Variants in SNX29 observed in about 807,000 individuals in gnomAD.
SNX29 encodes the protein sorting nexin-29.
Under a neutral mutation model 102.1 loss-of-function variants are expected in SNX29, and 78 were observed. The ratio of observed to expected loss-of-function variants is 0.76; its 90% CI spans 0.64 to 0.92. The LOEUF (loss-of-function observed/expected upper bound fraction) is 0.92. Among genes scored for constraint, SNX29 ranks in the 40% least tolerant of loss-of-function variants. The pLI is 0.00. For synonymous variants in SNX29, 580 were observed against 414.5 expected, an observed-to-expected ratio of 1.40 and a Z score of -4.85; for missense variants, 1,280 against 1,061.7, an observed-to-expected ratio of 1.21 and a Z score of -2.86.
chr16:12,292,207 C>T (rs1287787980), intron 15 of SNX29, among the ~76,000 whole-genome samples: 1 of 152,178 alleles, frequency 6.6e-6, no homozygotes, highest in Non-Finnish European at 1.5e-5. Context: ...AAGGTTTGGC[C>T]ACCTGGGCGT....
intron 20 of SNX29, chr16:12,560,693 C>G (rs984332868): frequency 2.5e-5 from 4 of 160,276 alleles, no homozygotes; most frequent in Admixed American, 6.5e-5. Flanking sequence ...TATATCTAGT[C>G]ATCGACTCTG....
chr16:12,047,417 A>G (rs2050132285), intron 6 of SNX29, among the ~76,000 whole-genome samples: 1 of 152,172 alleles, frequency 6.6e-6, no homozygotes, highest in Non-Finnish European at 1.5e-5. Context: ...TCCATTGATG[A>G]GAAAAAGAAT....
chr16:12,361,478 A>G (rs7195981), intron 16 of SNX29, among the ~76,000 whole-genome samples: 79,067 of 152,068 alleles, frequency 0.52, 21,139 homozygotes, highest in Non-Finnish European at 0.6. Context: ...TTATTAATTG[A>G]TATCAGTCAA....
At chr16:12,061,245 G>C (rs772485658) in intron 8 of SNX29, among the ~76,000 whole-genome samples, 1 of 152,218 alleles carries the variant, frequency 6.6e-6, no homozygotes. Context: ...CAGACTGCAG[G>C]CTCCCTCAGG....
At chr16:12,514,654 C>G (rs1458227897) in intron 19 of SNX29, among the ~76,000 whole-genome samples, 4 of 152,094 alleles carry the variant, frequency 2.6e-5, no homozygotes, top group Non-Finnish European at 5.9e-5. Context: ...CACTTGAGGC[C>G]AGGAGTTCGA....
intron 15 of SNX29, among the ~76,000 whole-genome samples, chr16:12,337,946 C>G (rs1266279517): frequency 4.6e-5 from 7 of 152,228 alleles, no homozygotes; most frequent in Non-Finnish European, 1.5e-5. Flanking sequence ...ATGGCCCTCT[C>G]ACAGCCGCTT....
chr16:12,453,894 T>G (rs903316945), intron 18 of SNX29, among the ~76,000 whole-genome samples: 1 of 152,142 alleles, frequency 6.6e-6, no homozygotes, highest in Non-Finnish European at 1.5e-5. Context: ...ATGTGGTAAT[T>G]GGATGTATAG....
At chr16:12,037,167 C>T (rs929757422) in intron 4 of SNX29, among the ~76,000 whole-genome samples, 1 of 152,148 alleles carries the variant, frequency 6.6e-6, no homozygotes. Context: ...GTGAGCCATG[C>T]GATCTCTATC....
chr16:12,274,627 C>T (rs577696020), intron 14 of SNX29, among the ~76,000 whole-genome samples: 2 of 151,908 alleles, frequency 1.3e-5, no homozygotes, highest in Non-Finnish European at 2.9e-5. Context: ...ACCTCTGCCT[C>T]CGAGGCTCAA....
chr16:12,357,690 G>C (rs1018385170), intron 16 of SNX29, among the ~76,000 whole-genome samples: 1 of 152,110 alleles, frequency 6.6e-6, no homozygotes, highest in African/African-American at 2.4e-5. Context: ...TAAACAGTCA[G>C]TGCCTGCTCC....
chr16:12,036,192 C>T lies in SNX29; in HGVS notation c.248-6705C>T, dbSNP rs539674411. ...TGGGGTCCAGCCATCTTCCTGCTTC[C>T]GCCTCCCAAGTAGCTGGGACGACAG... On this transcript the variant is annotated intron_variant, in intron 4 of 20. Coordinates refer to ENST00000566228, the MANE Select transcript of SNX29 (RefSeq NM_032167.5). Among the ~76,000 whole-genome samples the T allele has an allele frequency of 9.7e-4, 147 of 152,152 alleles. 1 individual carries two copies. Among genetic ancestry groups the T allele is most frequent in the South Asian group, 6.6e-3 (32 of 4,814 alleles).
chr16:12,064,495 T>C (rs1046417001), intron 9 of SNX29, among the ~76,000 whole-genome samples: 18 of 152,208 alleles, frequency 1.2e-4, no homozygotes, highest in African/African-American at 4.3e-4. Context: ...TCTCTGGAGA[T>C]GACGTGTGCC....
chr16:12,048,400 C>T lies in SNX29; in HGVS notation c.528C>T (p.Asn176=), dbSNP rs2050171618. 2 of 1,613,926 alleles carry T rather than the reference C, an allele frequency of 1.2e-6. No homozygotes were observed. Among genetic ancestry groups the T allele is most frequent in the East Asian group, 4.5e-5 (2 of 44,882 alleles). ...TGAACTCCATACTCTTTGCGATTAA[C>T]ATCGACAACAAGGATTTGAACGGGC... The part of the protein sequence containing the change: ...AGLNSILFAI[N]IDNKDLNGQS... The change falls in exon 7 of 21, where the codon AAC becomes AAT. Residue 176 remains asparagine (N), a synonymous_variant. Transcript: ENST00000566228.
chr16:12,311,534 C>G (rs988455179), intron 15 of SNX29, among the ~76,000 whole-genome samples: 36 of 152,366 alleles, frequency 2.4e-4, no homozygotes, highest in Admixed American at 9.1e-4. Context: ...GTTGAGCTTG[C>G]AGCTCCCTCT....
chr16:12,555,145 C>G (rs192223828), intron 20 of SNX29, among the ~76,000 whole-genome samples: 2,312 of 151,856 alleles, frequency 0.015, 56 homozygotes, highest in African/African-American at 0.052. Context: ...CAGACTTGGT[C>G]CAGGAGTGAC....
At chr16:12,273,686 G>A (rs932232186) in intron 14 of SNX29, among the ~76,000 whole-genome samples, 4 of 152,086 alleles carry the variant, frequency 2.6e-5, no homozygotes. Context: ...CACAAATTGT[G>A]CAACCATCGC....
intron 15 of SNX29, among the ~76,000 whole-genome samples, chr16:12,279,161 C>T (rs545726622): frequency 1.3e-5 from 2 of 152,230 alleles, no homozygotes; most frequent in East Asian, 3.9e-4. Context: ...ACTTTCGGTT[C>T]TTTCTAAATC....
At chr16:12,262,551 G>T (rs1447624940) in intron 14 of SNX29, among the ~76,000 whole-genome samples, 1 of 152,196 alleles carries the variant, frequency 6.6e-6, no homozygotes, top group African/African-American at 2.4e-5. Flanking sequence ...CAAAGAACGG[G>T]GCTGGTCTGT....
At chr16:12,555,712 T>C (rs2078295090) in intron 20 of SNX29, among the ~76,000 whole-genome samples, 1 of 152,116 alleles carries the variant, frequency 6.6e-6, no homozygotes, top group Non-Finnish European at 1.5e-5. Flanking sequence ...AGATTCTCCC[T>C]GATTGGCCCT....
Sources: gnomAD v4.1 joint callset for allele counts (sites outside exome capture counted in the v4.1 genomes callset) on GRCh38, gnomAD v4.1.1 for gene constraint, MANE v1.5 for transcripts, NCBI Gene and HGNC (gene_info 2026-07-23, HGNC 2026-07-21) for gene names.